ZNF717: variants seen among roughly 807,000 people sequenced by gnomAD.
ZNF717 encodes zinc finger protein 717.
A neutral mutation model predicts 13.8 loss-of-function variants in ZNF717; 9 were observed. That is an observed-to-expected ratio of 0.65 (90% CI 0.39 to 1.14). The LOEUF (loss-of-function observed/expected upper bound fraction) is 1.14. ZNF717 is among the 50% of genes most tolerant of loss of function. ZNF717 has a pLI of 0.01. For missense variants in ZNF717, 1,040 were observed against 1,080.7 expected (o/e 0.96, Z 0.53); for synonymous variants, 327 against 364.1 (o/e 0.90, Z 1.16).
downstream of ZNF717, among the ~76,000 whole-genome samples, chr3:75,707,986 G>A (rs1375596758): frequency 6.0e-5 from 8 of 133,528 alleles, no homozygotes; most frequent in Non-Finnish European, 1.1e-4. Flanking sequence ...CACAGCTCAA[G>A]GAGGCCTGCC....
chr3:75,761,928 C>T (rs1160841240), intron 2 of ZNF717, among the ~76,000 whole-genome samples: 1 of 152,170 alleles, frequency 6.6e-6, no homozygotes, highest in Non-Finnish European at 1.5e-5. Context: ...GTGGCAGACA[C>T]CTGTAGTCCC....
chr3:75,736,848 A>G lies in ZNF717; in HGVS notation c.*30T>C, dbSNP rs79959645. 9.9e-6 allele frequency: 15 copies of G among 1,511,186 alleles called. No homozygotes were observed. The South Asian group carries it at 1.8e-4, about 19-fold the overall frequency. The allele number at this position is 1,511,186 out of a possible 1,614,324, so 93.6% of individuals were successfully genotyped here. On this transcript the variant is annotated 3_prime_UTR_variant, in exon 5 of 5. Coordinates refer to ENST00000652011, the MANE Select transcript of ZNF717 (RefSeq NM_001290208.3). Reference sequence around the variant, plus strand: ...TAGACTGAGCATGGAGAAATCTGTAATAGTAGCCAGAGAGGTGTAGGTTGT... The same window carrying G: ...TAGACTGAGCATGGAGAAATCTGTAGTAGTAGCCAGAGAGGTGTAGGTTGT...
intron 2 of ZNF717, among the ~76,000 whole-genome samples, chr3:75,772,777 A>G (rs1188791187): frequency 6.6e-6 from 1 of 152,248 alleles, no homozygotes; most frequent in Non-Finnish European, 1.5e-5. Context: ...AGTGGGCCTG[A>G]GCAAAACACA....
At chr3:75,708,410 C>A (rs529406342), downstream of ZNF717, among the ~76,000 whole-genome samples, 37 of 74,038 alleles carry the variant, frequency 5.0e-4, no homozygotes, top group East Asian at 1.4e-3. Context: ...GAGAGTCCTG[C>A]CTGTTAGAAG....
chr3:75,771,021 CTG>C, intron 2 of ZNF717, among the ~76,000 whole-genome samples: 1 of 152,296 alleles, frequency 6.6e-6, no homozygotes, highest in East Asian at 1.9e-4. Context: ...GGGAAGGACT[CTG>C]TAATTCTAGA....
At chr3:75,725,253 A>C (rs547455363), downstream of ZNF717, among the ~76,000 whole-genome samples, 8 of 149,536 alleles carry the variant, frequency 5.3e-5, no homozygotes, top group African/African-American at 1.7e-4. Context: ...TCCAGACTAT[A>C]TCTCTAAACA....
At chr3:75,701,658 C>G (rs112499714) in intron 6 of ZNF717, among the ~76,000 whole-genome samples, 2 of 152,186 alleles carry the variant, frequency 1.3e-5, no homozygotes, top group Admixed American at 6.5e-5. Context: ...CCACTGCACT[C>G]CAGCCTGGGC....
Position 75,738,020 on chromosome 3 carries a change from A to G in ZNF717, c.1603T>C (p.Tyr535His). 2.2e-6 allele frequency: 3 copies of G among 1,343,674 alleles called. No homozygotes were observed. Among genetic ancestry groups the G allele is most frequent in the Non-Finnish European group, 3.0e-6 (3 of 1,007,260 alleles). 83.2% of individuals were successfully genotyped at this position (1,343,674 alleles called of 1,614,324 possible). A position where few individuals can be genotyped will look rare whatever the true frequency, so the allele number is the denominator to read the frequency against. The change falls in exon 5 of 5, where the codon TAC (tyrosine) becomes CAC (histidine). Residue 535 changes from tyrosine (Y) to histidine (H), a missense_variant. Coordinates refer to ENST00000652011, the MANE Select transcript of ZNF717 (RefSeq NM_001290208.3). ...HQRTHAGEKP[Y>H]ACNECGKTYS... ...GTTTTTCCACATTCGTTACATGCGT[A>G]TGGTTTTTCCCCAGCATGAGTTCTC...
chr3:75,728,834 C>T (rs2106890796), downstream of ZNF717, among the ~76,000 whole-genome samples: 1 of 152,286 alleles, frequency 6.6e-6, no homozygotes, highest in African/African-American at 2.4e-5. Flanking sequence ...TACAGTCATT[C>T]ATGCCTTTGT....
At chr3:75,765,094 G>C (rs1233811359) in intron 2 of ZNF717, among the ~76,000 whole-genome samples, 1 of 145,584 alleles carries the variant, frequency 6.9e-6, no homozygotes, top group Non-Finnish European at 1.5e-5. Context: ...CCATAGAAAG[G>C]AAGAAAATCC....
At chr3:75,732,934 T>A (rs184645789), downstream of ZNF717, among the ~76,000 whole-genome samples, 875 of 147,494 alleles carry the variant, frequency 5.9e-3, 3 homozygotes, top group Non-Finnish European at 6.7e-3. Flanking sequence ...ACAGGGATTT[T>A]AAAAAAAAAT....
At chr3:75,752,660 A>T (rs1478432530) in intron 2 of ZNF717, among the ~76,000 whole-genome samples, 16 of 151,682 alleles carry the variant, frequency 1.1e-4, no homozygotes, top group Admixed American at 1.1e-3. Flanking sequence ...ATAGGATTCC[A>T]GAACACTGCT....
chr3:75,775,696 T>C (rs1944253539), intron 2 of ZNF717, among the ~76,000 whole-genome samples: 1 of 151,778 alleles, frequency 6.6e-6, no homozygotes, highest in Admixed American at 6.6e-5. Context: ...CTACTAAAAA[T>C]ACAAAAATTA....
rs747522149 is a variant in ZNF717, at chr3:75,778,691, GA to G, written c.57+4614del. 1.6e-4 allele frequency among the ~76,000 whole-genome samples: 25 copies of G among 151,678 alleles called. 1 individual carries two copies. The highest frequency in any genetic ancestry group is 2.2e-4 in the Non-Finnish European group (15 of 67,958). On this transcript the variant is annotated intron_variant, in intron 2 of 4. Coordinates refer to ENST00000652011, the MANE Select transcript of ZNF717 (RefSeq NM_001290208.3). The stretch of plus-strand genomic sequence containing the variant: ...CTAAACCAAAAACCCAAAACAATGG[GA>G]GTGACGTGCTAAAACCGGAACCCAA...
intron 2 of ZNF717, among the ~76,000 whole-genome samples, chr3:75,743,342 G>A (rs996621656): frequency 6.6e-6 from 1 of 152,154 alleles, no homozygotes; most frequent in Non-Finnish European, 1.5e-5. Context: ...ATTTTTGTGG[G>A]AATATTTTCA....
intron 2 of ZNF717, among the ~76,000 whole-genome samples, chr3:75,781,823 C>T (rs1944845394): frequency 6.6e-6 from 1 of 152,306 alleles, no homozygotes; most frequent in African/African-American, 2.4e-5. Context: ...GCAGCTAACG[C>T]CCAGAGCCCC....
chr3:75,725,155 C>T (rs1330936826), downstream of ZNF717, among the ~76,000 whole-genome samples: 1 of 151,704 alleles, frequency 6.6e-6, no homozygotes, highest in African/African-American at 2.4e-5. Flanking sequence ...TCAGTGAAAC[C>T]CTCACTCTCT....
At chr3:75,743,355 C>G (rs376687420) in intron 2 of ZNF717, among the ~76,000 whole-genome samples, 277 of 152,344 alleles carry the variant, frequency 1.8e-3, no homozygotes, top group African/African-American at 5.9e-3. Flanking sequence ...TATTTTCAAT[C>G]TGAAGTTGGC....
intron 3 of ZNF717, 86 bp from the exon 4 acceptor site, chr3:75,741,454 T>A (rs2107189431): frequency 1.5e-6 from 2 of 1,368,982 alleles, no homozygotes; most frequent in Admixed American, 2.0e-5. Context: ...TCAGGGACTG[T>A]GCAATGAAGG....
Sources: gnomAD v4.1 joint callset for allele counts (sites outside exome capture counted in the v4.1 genomes callset) on GRCh38, gnomAD v4.1.1 for gene constraint, MANE v1.5 for transcripts, NCBI Gene and HGNC (gene_info 2026-07-23, HGNC 2026-07-21) for gene names.